Variants in PLXDC2 observed in about 807,000 individuals in gnomAD.
PLXDC2 encodes the protein plexin domain containing 2, also known as plexin domain-containing protein 2.
Under a neutral mutation model 68.9 loss-of-function variants are expected in PLXDC2, and 40 were observed. The observed-to-expected ratio is 0.58, with a 90% CI of 0.45 to 0.76. The LOEUF is 0.76. Ranked by LOEUF, PLXDC2 falls within the 30% of genes least tolerant of loss-of-function variation. The pLI, the probability that PLXDC2 is intolerant of heterozygous loss-of-function variation, is 0.00. For synonymous variants in PLXDC2, 243 were observed against 234.2 expected (o/e 1.04, Z -0.34); for missense variants, 644 against 661.9 (o/e 0.97, Z 0.30).
intron 4 of PLXDC2, among the ~76,000 whole-genome samples, chr10:20,112,359 A>G (rs1833570649): frequency 6.6e-6 from 1 of 150,680 alleles, no homozygotes; most frequent in Non-Finnish European, 1.5e-5. Context: ...AAAAGGTTCT[A>G]CTTTCCAATT....
At chr10:19,975,322 G>C (rs947030490) in intron 1 of PLXDC2, among the ~76,000 whole-genome samples, 4 of 152,100 alleles carry the variant, frequency 2.6e-5, no homozygotes, top group Non-Finnish European at 4.4e-5. Context: ...GCTGGGCATG[G>C]TGGCAGGTGC....
intron 12 of PLXDC2, among the ~76,000 whole-genome samples, chr10:20,241,039 A>G (rs1182989906): frequency 6.6e-6 from 1 of 152,194 alleles, no homozygotes; most frequent in Non-Finnish European, 1.5e-5. Flanking sequence ...ATGTTATTAA[A>G]TGGTTATTTG....
intron 1 of PLXDC2, among the ~76,000 whole-genome samples, chr10:19,852,466 G>C (rs1249658392): frequency 2.3e-5 from 2 of 88,404 alleles, no homozygotes; most frequent in East Asian, 6.2e-4. Flanking sequence ...AAAAAAAAAA[G>C]TTTTCAATAG....
intron 1 of PLXDC2, among the ~76,000 whole-genome samples, chr10:19,903,322 C>CTTT (rs59736805): frequency 2.9e-5 from 4 of 139,262 alleles, no homozygotes; most frequent in Admixed American, 1.4e-4. Flanking sequence ...TTTTTGTTGG[C>CTTT]TTTTTTTTTT....
intron 1 of PLXDC2, among the ~76,000 whole-genome samples, chr10:20,000,655 A>G (rs1834919436): frequency 6.6e-6 from 1 of 152,182 alleles, no homozygotes; most frequent in Non-Finnish European, 1.5e-5. Flanking sequence ...TTAGGTAATT[A>G]TGCCTGTGAT....
intron 13 of PLXDC2, among the ~76,000 whole-genome samples, chr10:20,270,707 G>A (rs1835927143): frequency 6.6e-6 from 1 of 151,980 alleles, no homozygotes; most frequent in African/African-American, 2.4e-5. Context: ...ACCACACCCT[G>A]CTAATTTTTG....
At chr10:20,025,942 C>T (rs1397746035) in intron 2 of PLXDC2, among the ~76,000 whole-genome samples, 1 of 151,830 alleles carries the variant, frequency 6.6e-6, no homozygotes, top group Non-Finnish European at 1.5e-5. Flanking sequence ...TTTGTATTCA[C>T]ATTACAGATT....
chr10:20,249,093 T>A (rs538407192), intron 13 of PLXDC2, among the ~76,000 whole-genome samples: 5 of 152,392 alleles, frequency 3.3e-5, no homozygotes, highest in Non-Finnish European at 2.9e-5. Flanking sequence ...GATTTCACTG[T>A]AATACAAATA....
intron 2 of PLXDC2, among the ~76,000 whole-genome samples, chr10:20,038,100 G>A (rs1835612181): frequency 6.6e-6 from 1 of 152,106 alleles, no homozygotes; most frequent in African/African-American, 2.4e-5. Context: ...GCCGGAAGTG[G>A]TGGCACATGC....
intron 13 of PLXDC2, among the ~76,000 whole-genome samples, chr10:20,267,037 C>T (rs1835880398): frequency 6.6e-6 from 1 of 152,114 alleles, no homozygotes; most frequent in African/African-American, 2.4e-5. Flanking sequence ...AGACATAAAA[C>T]TCTGTTTTCC....
At chr10:19,962,685 C>T (rs1363821303) in intron 1 of PLXDC2, among the ~76,000 whole-genome samples, 4 of 148,100 alleles carry the variant, frequency 2.7e-5, no homozygotes, top group Admixed American at 1.3e-4. Context: ...CCACCGCGCC[C>T]GGCTCAGCCA....
intron 1 of PLXDC2, among the ~76,000 whole-genome samples, chr10:19,867,414 A>G (rs926393454): frequency 1.3e-5 from 2 of 152,006 alleles, no homozygotes; most frequent in African/African-American, 2.4e-5. Flanking sequence ...GCATTTTCCA[A>G]CTGGTGGAGA....
In PLXDC2 at chr10:20,263,710, A is replaced by G. The variant is rs563744144; in HGVS notation, c.1474-15993A>G. On this transcript the variant is annotated intron_variant, in intron 13 of 13. Transcript: ENST00000377252. ...GAAGACATACATGCAGCCAAAAAGCATAGAAAAAAGCTGCGTATCACTGAT... is the reference window on the plus strand; with the variant it reads ...GAAGACATACATGCAGCCAAAAAGCGTAGAAAAAAGCTGCGTATCACTGAT... 5.9e-5 allele frequency among the ~76,000 whole-genome samples: 9 copies of G among 152,358 alleles called. No homozygotes were observed. In the East Asian group the frequency reaches 1.5e-3, roughly 26 times the overall value.
At chr10:19,904,459 C>T (rs1189539286) in intron 1 of PLXDC2, among the ~76,000 whole-genome samples, 1 of 152,100 alleles carries the variant, frequency 6.6e-6, no homozygotes, top group Admixed American at 6.5e-5. Context: ...AAAAGCTGGT[C>T]TCACTCCCAC....
chr10:20,140,474 G>A (rs759234600), intron 4 of PLXDC2, among the ~76,000 whole-genome samples: 6 of 147,030 alleles, frequency 4.1e-5, no homozygotes, highest in East Asian at 2.0e-4. Context: ...GCCCAGAACA[G>A]CCAAAGAAAA....
rs1378393870 is a variant in PLXDC2 at position 20,163,796 on chromosome 10, T to A, written c.784-672T>A. 2.0e-5 allele frequency among the ~76,000 whole-genome samples: 3 copies of A among 152,172 alleles called. No homozygotes were observed. The East Asian group carries it at 5.8e-4, about 29-fold the overall frequency. ...ATATTCTCAATGTATCATAATTTTT[T>A]AACTGTAAATATTAGAAATGTCTAT... On this transcript the variant is annotated intron_variant, in intron 6 of 13. Transcript: ENST00000377252.
At chr10:19,849,723 A>G (rs1346950773) in intron 1 of PLXDC2, among the ~76,000 whole-genome samples, 1 of 152,212 alleles carries the variant, frequency 6.6e-6, no homozygotes, top group Non-Finnish European at 1.5e-5. Context: ...TAAATTACTC[A>G]GTCTCCATTA....
At chr10:20,093,041 AC>A (rs755127834) in intron 4 of PLXDC2, among the ~76,000 whole-genome samples, 3 of 152,158 alleles carry the variant, frequency 2.0e-5, no homozygotes, top group Admixed American at 6.5e-5. Context: ...GTTTTAAGCC[AC>A]CATGTTTGTA....
At position 20,284,948 on chromosome 10, in the gene PLXDC2, G is replaced by C. The variant is rs886967779; in HGVS notation, c.*5129G>C. ...TTCTAGCCATTGCGGGGTCTTTGTGGTGTTTTCAATTTCTCCTCTCTCCAC... is the reference window on the plus strand; with the variant it reads ...TTCTAGCCATTGCGGGGTCTTTGTGCTGTTTTCAATTTCTCCTCTCTCCAC... On this transcript the variant is annotated 3_prime_UTR_variant, in exon 14 of 14. Coordinates refer to ENST00000377252, the MANE Select transcript of PLXDC2 (RefSeq NM_032812.9). 3 of 152,156 alleles carry C rather than the reference G, an allele frequency of 2.0e-5. No homozygotes were observed. Among genetic ancestry groups the C allele is most frequent in the Admixed American group, 6.5e-5 (1 of 15,276 alleles). The allele number at this position is 152,156 out of a possible 1,614,324, so 9.4% of individuals were successfully genotyped here. A position where few individuals can be genotyped will look rare whatever the true frequency, so the allele number is the denominator to read the frequency against.
Sources: allele counts gnomAD v4.1 joint callset (sites outside exome capture counted in the v4.1 genomes callset), GRCh38; gene constraint gnomAD v4.1.1; transcripts MANE v1.5; gene names NCBI Gene and HGNC (gene_info 2026-07-23, HGNC 2026-07-21).